Variants in AFF3 observed in about 807,000 individuals in gnomAD.
The protein encoded by AFF3 is ALF transcription elongation factor 3.
AFF3 carries 32 observed loss-of-function variants against 129.7 expected under a neutral mutation model. The observed-to-expected ratio is 0.25, with a 90% CI of 0.19 to 0.33. The LOEUF is 0.33. AFF3 is among the 10% of genes least tolerant of loss of function. The probability of loss-of-function intolerance (pLI) is 1.00; values close to 1 mark genes in which losing one functional copy is unlikely to be tolerated. For missense variants in AFF3, 1,373 were observed against 1,592.0 expected, an observed-to-expected ratio of 0.86 and a Z score of 2.34; for synonymous variants, 644 against 635.4, an observed-to-expected ratio of 1.01 and a Z score of -0.20.
At position 99,991,673 on chromosome 2, in the gene AFF3, C is replaced by A. The variant is rs189076895; in HGVS notation, c.873+14959G>T. The stretch of plus-strand genomic sequence containing the variant: ...ATCTCAGCACTTTGGGAGGCAAAGG[C>A]GGGCGGATAATTTGAGGTCAGGAGT... On this transcript the variant is annotated intron_variant, in intron 7 of 24. Transcript: ENST00000672756. 3.2e-3 allele frequency among the ~76,000 whole-genome samples: 481 copies of A among 152,138 alleles called. 3 individuals are homozygous for A. The highest frequency in any genetic ancestry group is 5.0e-3 in the Non-Finnish European group (341 of 68,002).
At chr2:100,073,448 A>G (rs1688356548) in intron 4 of AFF3, among the ~76,000 whole-genome samples, 1 of 152,190 alleles carries the variant, frequency 6.6e-6, no homozygotes, top group South Asian at 2.1e-4. Context: ...CAGCCTTGCC[A>G]ACACCTTCCT....
intron 2 of AFF3, chr2:100,106,500 T>G (rs1691305874): frequency 1.0e-6 from 1 of 1,001,732 alleles, no homozygotes; most frequent in South Asian, 4.2e-5. Context: ...GTTGGAAATG[T>G]TTGCTTTGGC....
chr2:99,721,921 T>A (rs1260797094), intron 11 of AFF3, among the ~76,000 whole-genome samples: 2 of 152,262 alleles, frequency 1.3e-5, no homozygotes, highest in Admixed American at 1.3e-4. Flanking sequence ...ATCAGACTAC[T>A]TGATATTATC....
At chr2:99,746,810 G>A (rs1681196974) in intron 9 of AFF3, among the ~76,000 whole-genome samples, 1 of 152,100 alleles carries the variant, frequency 6.6e-6, no homozygotes. Context: ...TTTGGCACGT[G>A]AAAATACTTT....
chr2:99,879,296 TA>T (rs1394298804), intron 7 of AFF3, among the ~76,000 whole-genome samples: 1 of 152,226 alleles, frequency 6.6e-6, no homozygotes, highest in African/African-American at 2.4e-5. Context: ...TCTATGTTTA[TA>T]CCATCCATAG....
At chr2:100,036,756 G>A (rs1350860426) in intron 4 of AFF3, among the ~76,000 whole-genome samples, 1 of 150,030 alleles carries the variant, frequency 6.7e-6, no homozygotes, top group African/African-American at 2.5e-5. Flanking sequence ...AGAGAAATAT[G>A]AGTTGGGACA....
intron 2 of AFF3, among the ~76,000 whole-genome samples, chr2:100,126,293 G>C (rs568136232): frequency 2.8e-4 from 42 of 152,320 alleles, no homozygotes; most frequent in African/African-American, 9.4e-4. Flanking sequence ...AGCATGTTCT[G>C]TTCGAGAAGC....
intron 17 of AFF3, among the ~76,000 whole-genome samples, chr2:99,578,935 T>C (rs1360313979): frequency 6.6e-6 from 1 of 152,182 alleles, no homozygotes; most frequent in African/African-American, 2.4e-5. Context: ...GAATCTGCCT[T>C]TCCATCTGGT....
intron 7 of AFF3, among the ~76,000 whole-genome samples, chr2:99,916,307 C>A (rs994921397): frequency 6.6e-6 from 1 of 152,166 alleles, no homozygotes; most frequent in Non-Finnish European, 1.5e-5. Flanking sequence ...CATCCCTCAC[C>A]CTGTTTTGGT....
chr2:99,810,813 ACT>A (rs1334945082), intron 8 of AFF3, among the ~76,000 whole-genome samples: 8 of 151,924 alleles, frequency 5.3e-5, no homozygotes, highest in South Asian at 2.1e-4. Context: ...TCTAGGGGAA[ACT>A]CTGTTCTTGC....
intron 8 of AFF3, among the ~76,000 whole-genome samples, chr2:99,775,251 T>G (rs1022597470): frequency 2.0e-5 from 3 of 151,942 alleles, no homozygotes; most frequent in African/African-American, 4.8e-5. Flanking sequence ...CCCAAAGGAA[T>G]AGAAATTGTT....
At chr2:99,845,168 G>A (rs1282264275) in intron 7 of AFF3, among the ~76,000 whole-genome samples, 1 of 152,062 alleles carries the variant, frequency 6.6e-6, no homozygotes, top group Non-Finnish European at 1.5e-5. Context: ...CCATTAACAA[G>A]TCATTTGACT....
intron 12 of AFF3, among the ~76,000 whole-genome samples, chr2:99,671,525 C>T (rs1328094736): frequency 6.6e-6 from 1 of 151,878 alleles, no homozygotes; most frequent in Non-Finnish European, 1.5e-5. Context: ...CGAAATTCTC[C>T]TTTGACTTTT....
chr2:99,732,216 G>T (rs925054095), intron 10 of AFF3, among the ~76,000 whole-genome samples: 9 of 151,948 alleles, frequency 5.9e-5, no homozygotes, highest in Admixed American at 4.6e-4. Flanking sequence ...TTAGCCAGGC[G>T]TGGTGGTGGG....
intron 7 of AFF3, among the ~76,000 whole-genome samples, chr2:99,976,268 C>CT (rs538566388): frequency 3.3e-5 from 5 of 152,294 alleles, no homozygotes; most frequent in Admixed American, 2.6e-4. Context: ...AAATATTTCA[C>CT]TTTTTTTCTT....
intron 4 of AFF3, among the ~76,000 whole-genome samples, chr2:100,062,245 T>C (rs1478428554): frequency 6.6e-6 from 1 of 152,078 alleles, no homozygotes; most frequent in Non-Finnish European, 1.5e-5. Flanking sequence ...TGGCTGCAGT[T>C]GGAGGGGCCC....
chr2:99,593,620 G>T lies in AFF3; in HGVS notation c.2041C>A (p.Leu681Met). 6.2e-7 allele frequency: 1 copy of T among 1,611,018 alleles called. No homozygotes were observed. Among genetic ancestry groups the T allele is most frequent in the South Asian group, 1.1e-5 (1 of 91,026 alleles). The change falls in exon 15 of 25, where the codon CTG becomes ATG. Residue 681 changes from leucine to methionine, a missense_variant. By Grantham distance (15) the Leu-to-Met change is conservative. This residue lies in a region of AFF3 where 466 missense variants were observed against 505.0 expected (regional missense o/e 0.92). Coordinates refer to ENST00000672756, the MANE Select transcript of AFF3 (RefSeq NM_001386135.1). ...GGGTACTCCTCCTGCTCGGACTCCA[G>T]GTCGGAGTCCGAGGAGGAGGATGAA... The part of the protein sequence containing the change: ...SSSSSSSDSD[L>M]ESEQEEYPLS...
chr2:99,771,568 AG>A (rs1320119447), intron 8 of AFF3, among the ~76,000 whole-genome samples: 3 of 152,196 alleles, frequency 2.0e-5, no homozygotes, highest in Non-Finnish European at 4.4e-5. Flanking sequence ...TTCCAACAAA[AG>A]CATTTTAAAG....
chr2:100,090,210 CATGAAAAAAAA>C (rs372709735), intron 4 of AFF3, among the ~76,000 whole-genome samples: 13,217 of 131,724 alleles, frequency 0.1, 883 homozygotes, highest in Non-Finnish European at 0.14. Context: ...AAATGATCTA[CATGAAAAAAAA>C]AATCACCTTA....
Sources: allele counts gnomAD v4.1 joint callset (sites outside exome capture counted in the v4.1 genomes callset), GRCh38; gene constraint gnomAD v4.1.1; regional missense constraint gnomAD v4.1.1; transcripts MANE v1.5; gene names NCBI Gene and HGNC (gene_info 2026-07-23, HGNC 2026-07-21).